The following ZC3H8 variants were observed in gnomAD, a reference collection of about 807,000 sequenced individuals.
The protein encoded by ZC3H8 is zinc finger CCCH domain-containing protein 8.
ZC3H8 carries 27 observed loss-of-function variants against 42.5 expected under a neutral mutation model. That is an observed-to-expected ratio of 0.64 (90% CI 0.47 to 0.88). The LOEUF is 0.88. Among genes scored for constraint, ZC3H8 ranks in the 40% least tolerant of loss-of-function variants. The pLI is 0.00. For missense variants in ZC3H8, 277 were observed against 336.1 expected (o/e 0.82, Z 1.37); for synonymous variants, 101 against 110.1 (o/e 0.92, Z 0.52).
chr2:112,235,790 T>C (rs1685292197), intron 4 of ZC3H8, among the ~76,000 whole-genome samples: 1 of 151,966 alleles, frequency 6.6e-6, no homozygotes, highest in Admixed American at 6.6e-5. Context: ...TGCTCAGAAA[T>C]ATTGATTTTT....
intron 4 of ZC3H8, among the ~76,000 whole-genome samples, chr2:112,235,685 A>C (rs1685287720): frequency 6.6e-6 from 1 of 152,256 alleles, no homozygotes; most frequent in African/African-American, 2.4e-5. Flanking sequence ...TTATTATTCT[A>C]CCCTGCTTAC....
intron 7 of ZC3H8, 47 bp from the exon 8 acceptor site, chr2:112,230,997 T>G: frequency 8.9e-7 from 1 of 1,119,758 alleles, no homozygotes; most frequent in Non-Finnish European, 1.2e-6. Flanking sequence ...CATTCATGTG[T>G]AATTCAGGTA....
intron 5 of ZC3H8, among the ~76,000 whole-genome samples, chr2:112,233,684 G>T (rs1041415802): frequency 2.0e-5 from 3 of 152,016 alleles, no homozygotes; most frequent in Non-Finnish European, 4.4e-5. Context: ...TGGCTAACAC[G>T]GTGAAACCTC....
rs1256145399 is a variant in ZC3H8, at chr2:112,212,713, T to C, written c.*3771A>G. ...TTTCTTCAGCTAGCACCCCTTGAAA[T>C]CTTAAGACAGCTGTCTCTGTTCTGG... On this transcript the variant is annotated 3_prime_UTR_variant, in exon 9 of 9. Transcript: ENST00000409573. 2.0e-5 allele frequency: 3 copies of C among 152,138 alleles called. No homozygotes were observed. The highest frequency in any genetic ancestry group is 1.9e-4 in the East Asian group (1 of 5,198). The allele number at this position is 152,138 out of a possible 1,614,324, so 9.4% of individuals were successfully genotyped here. A position where few individuals can be genotyped will look rare whatever the true frequency, so the allele number is the denominator to read the frequency against.
At chr2:112,238,955 C>T (rs2104661065) in intron 2 of ZC3H8, among the ~76,000 whole-genome samples, 1 of 152,256 alleles carries the variant, frequency 6.6e-6, no homozygotes, top group Middle Eastern at 3.4e-3. Context: ...GTAAAACACC[C>T]CAAGTAAACT....
chr2:112,219,174 A>G (rs1684473803), intron 8 of ZC3H8, among the ~76,000 whole-genome samples: 1 of 152,194 alleles, frequency 6.6e-6, no homozygotes, highest in Non-Finnish European at 1.5e-5. Flanking sequence ...GGAGACTCAC[A>G]CTTCCTGAGT....
intron 8 of ZC3H8, among the ~76,000 whole-genome samples, chr2:112,216,846 AATGAG>A (rs1449676907): frequency 6.6e-6 from 1 of 152,100 alleles, no homozygotes; most frequent in Non-Finnish European, 1.5e-5. Flanking sequence ...GAGAACAAAA[AATGAG>A]ATGAAGAAAG....
chr2:112,228,179 A>T (rs1296845661), intron 8 of ZC3H8, among the ~76,000 whole-genome samples: 2 of 152,182 alleles, frequency 1.3e-5, no homozygotes, highest in Non-Finnish European at 2.9e-5. Context: ...CATGAAGGCA[A>T]GTCAGGGGGA....
At chr2:112,248,042 G>A (rs910127576) in intron 2 of ZC3H8, among the ~76,000 whole-genome samples, 1 of 152,140 alleles carries the variant, frequency 6.6e-6, no homozygotes, top group African/African-American at 2.4e-5. Context: ...TAAAACTAAG[G>A]AGGCTGGGCA....
At chr2:112,225,316 CTA>C (rs1012288063) in intron 8 of ZC3H8, among the ~76,000 whole-genome samples, 1 of 152,190 alleles carries the variant, frequency 6.6e-6, no homozygotes, top group African/African-American at 2.4e-5. Context: ...TTTTGAAAGA[CTA>C]TAGACAACAA....
intron 2 of ZC3H8, among the ~76,000 whole-genome samples, chr2:112,244,359 A>G (rs1685686257): frequency 6.6e-6 from 1 of 152,248 alleles, no homozygotes; most frequent in African/African-American, 2.4e-5. Context: ...TCTGTCTTCC[A>G]TGCATCCCTA....
Position 112,238,468 on chromosome 2 carries a change from A to G in ZC3H8, c.217T>C (p.Tyr73His), listed in dbSNP as rs1472743159. The G allele has an allele frequency of 1.2e-5, 19 of 1,612,982 alleles. No homozygotes were observed. The highest frequency in any genetic ancestry group is 1.5e-5 in the Non-Finnish European group (18 of 1,179,850). Residue 73 changes from tyrosine to histidine, a missense_variant, in exon 3 of 9, where the codon TAT (tyrosine) becomes CAT (histidine). By Grantham distance (83) the Tyr-to-His change is moderately conservative. Coordinates refer to ENST00000409573, the MANE Select transcript of ZC3H8 (RefSeq NM_032494.3). ...SLHRKSRSKD[Y>H]DVYSDNDICS... ...ATATCATTATCACTATATACATCAT[A>G]GTCCTTACTTCTTGATTTTCTATGC...
chr2:112,233,182 GT>G, intron 6 of ZC3H8, 77 bp downstream of exon 6: 1 of 902,382 alleles, frequency 1.1e-6, no homozygotes, highest in Non-Finnish European at 1.6e-6. Flanking sequence ...TAAAACACTG[GT>G]TTCATTAAAA....
chr2:112,234,406 T>C (rs1161527288), intron 4 of ZC3H8, among the ~76,000 whole-genome samples, 170 bp from the exon 5 acceptor site: 8 of 152,228 alleles, frequency 5.3e-5, no homozygotes, highest in Admixed American at 6.5e-5. Flanking sequence ...AATGAATGTT[T>C]TGTCAGTTTC....
intron 4 of ZC3H8, among the ~76,000 whole-genome samples, chr2:112,236,189 G>A (rs1338079376): frequency 2.6e-5 from 4 of 152,024 alleles, no homozygotes; most frequent in Admixed American, 6.5e-5. Context: ...ACTTGAACCC[G>A]AGAGGCGGAG....
Position 112,238,501 on chromosome 2 carries a change from T to C in ZC3H8, c.184A>G (p.Ser62Gly). ...CTTCTTGATTTTCTATGCAGCGAAC[T>C]TTTTGGTGATATTGCAGAGTGTCTA... ...KFRHSAISPKSSLHRKSRSKD... is the reference protein window; with the variant it reads ...KFRHSAISPKGSLHRKSRSKD... The change falls in exon 3 of 9, where the codon AGT (serine) becomes GGT (glycine). Residue 62 changes from serine (S) to glycine (G), a missense_variant. Ser to Gly is a moderately conservative substitution (Grantham distance 56). Transcript: ENST00000409573. 1 of 1,611,080 alleles carries C rather than the reference T, an allele frequency of 6.2e-7. No individual in the cohort carries two copies. The highest frequency in any genetic ancestry group is 8.5e-7 in the Non-Finnish European group (1 of 1,179,590).
chr2:112,244,438 AAT>A (rs1685688989), intron 2 of ZC3H8, among the ~76,000 whole-genome samples: 1 of 152,264 alleles, frequency 6.6e-6, no homozygotes, highest in South Asian at 2.1e-4. Context: ...AATTATTCAC[AAT>A]AGTTTCATTA....
At chr2:112,226,128 TAAGAC>T (rs1397620028) in intron 8 of ZC3H8, among the ~76,000 whole-genome samples, 1 of 151,496 alleles carries the variant, frequency 6.6e-6, no homozygotes, top group Non-Finnish European at 1.5e-5. Context: ...AAAAGGATTA[TAAGAC>T]AATACTATAA....
chr2:112,248,244 C>T (rs781380342), intron 2 of ZC3H8, among the ~76,000 whole-genome samples: 6 of 151,324 alleles, frequency 4.0e-5, no homozygotes, highest in South Asian at 4.2e-4. Flanking sequence ...GAAAACTGCT[C>T]GAACCCAGGA....
Sources: gnomAD v4.1 joint callset for allele counts (sites outside exome capture counted in the v4.1 genomes callset) on GRCh38, gnomAD v4.1.1 for gene constraint, MANE v1.5 for transcripts, NCBI Gene and HGNC (gene_info 2026-07-23, HGNC 2026-07-21) for gene names.